The following NDUFAF6 variants were observed in gnomAD, a reference collection of about 807,000 sequenced individuals.
NDUFAF6 encodes the protein NADH:ubiquinone oxidoreductase complex assembly factor 6.
Under a neutral mutation model 40.8 loss-of-function variants are expected in NDUFAF6, and 45 were observed. That is an observed-to-expected ratio of 1.10 (90% CI 0.87 to 1.42). The LOEUF (loss-of-function observed/expected upper bound fraction) is 1.42. Ranked by LOEUF, NDUFAF6 falls within the 40% of genes most tolerant of loss-of-function variation. NDUFAF6 has a pLI of 0.00. For synonymous variants in NDUFAF6, 185 were observed against 155.9 expected (o/e 1.19, Z -1.39); for missense variants, 435 against 418.5 (o/e 1.04, Z -0.34).
intron 3 of NDUFAF6, among the ~76,000 whole-genome samples, chr8:95,036,871 G>T (rs563682043): frequency 3.1e-4 from 47 of 152,324 alleles, no homozygotes; most frequent in African/African-American, 1.1e-3. Flanking sequence ...GACGTGACCG[G>T]TGTTGAAGCT....
intron 1 of NDUFAF6, among the ~76,000 whole-genome samples, chr8:94,945,243 C>G (rs914413628): frequency 1.6e-4 from 25 of 152,096 alleles, no homozygotes; most frequent in African/African-American, 6.0e-4. Flanking sequence ...CAAATGAAAA[C>G]TTTGTATCTG....
chr8:94,906,788 G>A (rs994253653), intron 1 of NDUFAF6, among the ~76,000 whole-genome samples: 3 of 152,216 alleles, frequency 2.0e-5, no homozygotes, highest in African/African-American at 4.8e-5. Flanking sequence ...GTGCAACTGA[G>A]AGGATCATGA....
rs773163552 is a variant in NDUFAF6, at chr8:95,045,561, A to G, written c.494A>G (p.Asp165Gly). The change falls in exon 5 of 9, where the codon GAC becomes GGC. Residue 165 changes from aspartate (D) to glycine (G), a missense_variant. Transcript: ENST00000396124. ...TTGATGTAGGAAAAAAATCTGGATG[A>G]CAAAGCATATCGTAATATCAAGGAA... ...IVDEREKNLDDKAYRNIKELE... is the reference protein window; with the variant it reads ...IVDEREKNLDGKAYRNIKELE... The G allele has an allele frequency of 5.6e-6, 9 of 1,613,276 alleles. No homozygotes were observed. Among genetic ancestry groups the G allele is most frequent in the Non-Finnish European group, 7.6e-6 (9 of 1,179,456 alleles).
chr8:94,913,810 G>A (rs977205705), intron 1 of NDUFAF6, among the ~76,000 whole-genome samples: 6 of 151,806 alleles, frequency 4.0e-5, no homozygotes, highest in African/African-American at 1.2e-4. Context: ...TTTTTTTCTC[G>A]AGACCAAGTC....
At chr8:94,952,605 A>G (rs1173633145) in intron 2 of NDUFAF6, among the ~76,000 whole-genome samples, 3 of 152,238 alleles carry the variant, frequency 2.0e-5, no homozygotes, top group Non-Finnish European at 4.4e-5. Context: ...GCCTGGAACA[A>G]AGAAGCAAGA....
chr8:95,089,277 C>T (rs1178070194), intron 2 of NDUFAF6, among the ~76,000 whole-genome samples: 1 of 151,910 alleles, frequency 6.6e-6, no homozygotes, highest in Non-Finnish European at 1.5e-5. Flanking sequence ...CCAGGCTGGT[C>T]TTGAACTCAT....
At chr8:95,048,687 A>G in intron 7 of NDUFAF6, 129 bp downstream of exon 7, 1 of 752,754 alleles carries the variant, frequency 1.3e-6, no homozygotes, top group Non-Finnish European at 2.3e-6. Flanking sequence ...TTCCCAGTAG[A>G]TTTATCTCGG....
chr8:94,930,749 G>T, intron 1 of NDUFAF6: 1 of 1,611,516 alleles, frequency 6.2e-7, no homozygotes, highest in East Asian at 2.2e-5. Flanking sequence ...AAAAAGTGGG[G>T]ATGTATTAAA....
At chr8:95,112,131 G>T (rs1305040809) in intron 4 of NDUFAF6, among the ~76,000 whole-genome samples, 3 of 152,178 alleles carry the variant, frequency 2.0e-5, no homozygotes, top group Non-Finnish European at 4.4e-5. Context: ...GGCCAAAGGG[G>T]CTTTGCATAT....
At chr8:95,082,943 G>T (rs918659025) in intron 2 of NDUFAF6, among the ~76,000 whole-genome samples, 1 of 152,094 alleles carries the variant, frequency 6.6e-6, no homozygotes, top group Non-Finnish European at 1.5e-5. Context: ...ACAGACGTGA[G>T]TTGTTTGTTT....
chr8:94,992,500 A>T (rs1032235528), intron 2 of NDUFAF6, among the ~76,000 whole-genome samples: 16 of 152,178 alleles, frequency 1.1e-4, no homozygotes, highest in Non-Finnish European at 2.1e-4. Context: ...AAGAAAAAAA[A>T]ATGACATGTT....
In NDUFAF6 at chr8:94,945,620, G is replaced by T. The variant is rs113985196; in HGVS notation, c.-799+1G>T. On this transcript the variant is annotated splice_donor_variant, in intron 2 of 14. Transcript: ENST00000396113. LOFTEE classifies it low-confidence loss of function (5UTR_SPLICE). Reference sequence around the variant, plus strand: ...TCAACTGGGCTGGTTCTACATGGAGGTAAATGGAAAAGTAGAGCTTTAGAC... The same window carrying T: ...TCAACTGGGCTGGTTCTACATGGAGTTAAATGGAAAAGTAGAGCTTTAGAC... 1 of 152,222 alleles carries T rather than the reference G, an allele frequency of 6.6e-6. No homozygotes were observed. The highest frequency in any genetic ancestry group is 1.5e-5 in the Non-Finnish European group (1 of 68,054). The allele number at this position is 152,222 out of a possible 1,614,324, so 9.4% of individuals were successfully genotyped here.
At chr8:94,997,343 C>CACACACAGAG (rs1242904810) in intron 2 of NDUFAF6, among the ~76,000 whole-genome samples, 1,571 of 90,444 alleles carry the variant, frequency 0.017, 31 homozygotes, top group Non-Finnish European at 0.02. Flanking sequence ...CACACACACA[C>CACACACAGAG]AGAGAGAGAG....
At position 94,962,635 on chromosome 8, in the gene NDUFAF6, C is replaced by A. The variant is rs1327871541; in HGVS notation, c.-199+4456C>A. Among the ~76,000 whole-genome samples the A allele has an allele frequency of 2.0e-5, 3 of 148,004 alleles. No individual in the cohort carries two copies. The South Asian group carries it at 6.3e-4, about 31-fold the overall frequency. ...TTTTTTGTTTTTTTTTTTTTTGAGA[C>A]AATGTCTCACTCTGTTTCCCAGGCT... On this transcript the variant is annotated intron_variant, in intron 1 of 9. Coordinates refer to the NDUFAF6 transcript ENST00000396111.
chr8:95,037,488 G>A (rs1432176480), intron 3 of NDUFAF6, among the ~76,000 whole-genome samples: 7 of 152,214 alleles, frequency 4.6e-5, no homozygotes, highest in Non-Finnish European at 8.8e-5. Flanking sequence ...ACAAGAGCAT[G>A]AGTCTGTAAT....
chr8:95,066,154 C>A (rs928428522), intron 9 of NDUFAF6, among the ~76,000 whole-genome samples: 2 of 152,122 alleles, frequency 1.3e-5, no homozygotes, highest in African/African-American at 4.8e-5. Flanking sequence ...CTCTGTTACC[C>A]AGGCTGTAGT....
intron 1 of NDUFAF6, among the ~76,000 whole-genome samples, chr8:95,031,430 T>G (rs1423204021): frequency 6.6e-6 from 1 of 152,236 alleles, no homozygotes; most frequent in Non-Finnish European, 1.5e-5. Context: ...GAAGCTCATT[T>G]GAATTCTTAC....
downstream of NDUFAF6, among the ~76,000 whole-genome samples, chr8:95,076,854 CA>C (rs1478590065): frequency 1.2e-4 from 15 of 121,974 alleles, no homozygotes; most frequent in East Asian, 3.3e-3. Context: ...GCCTGGGCAA[CA>C]AGAGCGAAAC....
rs112253780 is a variant in NDUFAF6 at position 94,996,945 on chromosome 8, G to A, written c.-84+15972G>A. ...TTGGACCTCCAGCCTCCAGAACTGT[G>A]AGAAAATGAATTTCTGTTGTTTAAG... On this transcript the variant is annotated intron_variant, in intron 2 of 9. Coordinates refer to the NDUFAF6 transcript ENST00000396111. Among the ~76,000 whole-genome samples, 516 of 152,262 alleles carry A rather than the reference G, an allele frequency of 3.4e-3. 7 individuals are homozygous for A. The Middle Eastern group carries it at 0.034, about 10-fold the overall frequency.
Sources: gnomAD v4.1 joint callset for allele counts (sites outside exome capture counted in the v4.1 genomes callset) on GRCh38, gnomAD v4.1.1 for gene constraint, MANE v1.5 for transcripts, NCBI Gene and HGNC (gene_info 2026-07-23, HGNC 2026-07-21) for gene names.